Variants in COL19A1 observed in about 807,000 individuals in gnomAD.
The protein encoded by COL19A1 is collagen alpha-1(XIX) chain.
COL19A1 carries 159 observed loss-of-function variants against 190.2 expected under a neutral mutation model. The ratio of observed to expected loss-of-function variants is 0.84; its 90% CI spans 0.73 to 0.95. COL19A1 has a LOEUF of 0.95. Ranked by LOEUF, COL19A1 falls within the 40% of genes least tolerant of loss-of-function variation. The probability of loss-of-function intolerance (pLI) is 0.00; values close to 1 mark genes in which losing one functional copy is unlikely to be tolerated. For missense variants in COL19A1, 1,418 were observed against 1,431.9 expected, an observed-to-expected ratio of 0.99 and a Z score of 0.16; for synonymous variants, 509 against 458.9, an observed-to-expected ratio of 1.11 and a Z score of -1.39.
chr6:70,151,806 A>G (rs541741117), intron 31 of COL19A1, among the ~76,000 whole-genome samples: 1 of 152,184 alleles, frequency 6.6e-6, no homozygotes, highest in South Asian at 2.1e-4. Flanking sequence ...CTGGCTCACT[A>G]CTGTGAAACC....
chr6:70,190,633 A>G (rs1036137304), intron 48 of COL19A1, among the ~76,000 whole-genome samples: 12 of 152,308 alleles, frequency 7.9e-5, no homozygotes, highest in African/African-American at 2.9e-4. Context: ...GCTTGTACTC[A>G]CATGACAGCC....
intron 34 of COL19A1, 118 bp from the exon 35 acceptor site, chr6:70,161,779 CATT>C: frequency 5.0e-6 from 3 of 602,642 alleles, no homozygotes; most frequent in Non-Finnish European, 8.0e-6. Flanking sequence ...ATATGACAAA[CATT>C]ATGTTTCTCG....
chr6:69,893,952 G>A (rs1208565767), intron 2 of COL19A1, among the ~76,000 whole-genome samples: 1 of 152,054 alleles, frequency 6.6e-6, no homozygotes, highest in Non-Finnish European at 1.5e-5. Context: ...TAGTCTGGAA[G>A]CACCACCCCC....
intron 15 of COL19A1, among the ~76,000 whole-genome samples, chr6:70,081,821 T>A (rs1782275556): frequency 1.3e-5 from 2 of 152,114 alleles, no homozygotes; most frequent in Non-Finnish European, 2.9e-5. Context: ...CTTACTTTTT[T>A]AAAAATAAAA....
At chr6:70,200,398 GA>G (rs1767475068) in intron 49 of COL19A1, among the ~76,000 whole-genome samples, 1 of 152,140 alleles carries the variant, frequency 6.6e-6, no homozygotes. Flanking sequence ...CTAGAAATAT[GA>G]TTAGCAATCC....
At chr6:70,190,653 T>C (rs1261621233) in intron 48 of COL19A1, among the ~76,000 whole-genome samples, 3 of 152,224 alleles carry the variant, frequency 2.0e-5, no homozygotes, top group South Asian at 2.1e-4. Flanking sequence ...CCTTTGAGTA[T>C]TTTTCAATAT....
chr6:70,105,915 GT>G (rs1783930142), intron 16 of COL19A1, among the ~76,000 whole-genome samples: 1 of 152,112 alleles, frequency 6.6e-6, no homozygotes, highest in Admixed American at 6.5e-5. Flanking sequence ...TAAACATTAT[GT>G]TTGAGCAATT....
At chr6:70,099,015 A>G (rs1783461169) in intron 15 of COL19A1, among the ~76,000 whole-genome samples, 1 of 137,026 alleles carries the variant, frequency 7.3e-6, no homozygotes, top group African/African-American at 2.7e-5. Context: ...TCAGTCCAGG[A>G]GTTCGAGACC....
At chr6:70,176,798 T>G (rs1765837539) in intron 42 of COL19A1, among the ~76,000 whole-genome samples, 1 of 152,224 alleles carries the variant, frequency 6.6e-6, no homozygotes, top group African/African-American at 2.4e-5. Context: ...CCAAGTCACT[T>G]TCATGGAGGG....
intron 4 of COL19A1, among the ~76,000 whole-genome samples, chr6:69,921,304 T>C (rs1443777133): frequency 7.5e-6 from 1 of 132,600 alleles, no homozygotes; most frequent in East Asian, 2.1e-4. Flanking sequence ...ATATATCATA[T>C]ATCATATATC....
chr6:70,061,510 G>A (rs1276635942), intron 14 of COL19A1, among the ~76,000 whole-genome samples: 2 of 151,996 alleles, frequency 1.3e-5, no homozygotes, highest in African/African-American at 2.4e-5. Context: ...TAGTACTTGA[G>A]TCTCGCATAC....
At chr6:70,022,027 G>A (rs926652484) in intron 11 of COL19A1, among the ~76,000 whole-genome samples, 1 of 152,024 alleles carries the variant, frequency 6.6e-6, no homozygotes, top group African/African-American at 2.4e-5. Context: ...CATTTCCTAT[G>A]CTTTCCATAC....
intron 27 of COL19A1, among the ~76,000 whole-genome samples, chr6:70,149,180 A>G (rs916194502): frequency 2.6e-5 from 4 of 152,100 alleles, no homozygotes; most frequent in Admixed American, 2.6e-4. Flanking sequence ...AGAGCGGTAC[A>G]ACTACCATCG....
intron 14 of COL19A1, among the ~76,000 whole-genome samples, chr6:70,039,276 T>C (rs897071978): frequency 4.6e-5 from 7 of 152,214 alleles, no homozygotes; most frequent in Non-Finnish European, 7.3e-5. Flanking sequence ...ATACTTTTCT[T>C]TACAGCTTTC....
intron 11 of COL19A1, among the ~76,000 whole-genome samples, chr6:69,973,351 A>G (rs1775535290): frequency 6.6e-6 from 1 of 151,816 alleles, no homozygotes; most frequent in Non-Finnish European, 1.5e-5. Context: ...CTGCTCATTA[A>G]TCTCTTCACC....
chr6:69,929,557 G>T lies in COL19A1; in HGVS notation c.523G>T (p.Gly175Cys), dbSNP rs745813614. 1 of 1,613,942 alleles carries T rather than the reference G, an allele frequency of 6.2e-7. No homozygotes were observed. Among genetic ancestry groups the T allele is most frequent in the Admixed American group, 1.7e-5 (1 of 59,986 alleles). Residue 175 changes from glycine (G) to cysteine (C), a missense_variant, in exon 6 of 51, where the codon GGC becomes TGC. Coordinates refer to ENST00000620364, the MANE Select transcript of COL19A1 (RefSeq NM_001858.6). Reference sequence around the variant, plus strand: ...GTTTGATCGTCAGTGGCACAAACTTGGCATTAGTATACAATCCCAGGTCAT... The same window carrying T: ...GTTTGATCGTCAGTGGCACAAACTTTGCATTAGTATACAATCCCAGGTCAT... ...PLFDRQWHKLGISIQSQVISL... is the reference protein window; with the variant it reads ...PLFDRQWHKLCISIQSQVISL...
At chr6:69,993,630 C>G (rs112430548) in intron 11 of COL19A1, among the ~76,000 whole-genome samples, 5,451 of 152,142 alleles carry the variant, frequency 0.036, 220 homozygotes, top group African/African-American at 0.096. Context: ...GATTCCATTT[C>G]AGAACTCATT....
intron 15 of COL19A1, among the ~76,000 whole-genome samples, chr6:70,077,217 C>T (rs1223843534): frequency 6.6e-6 from 1 of 152,174 alleles, no homozygotes; most frequent in African/African-American, 2.4e-5. Flanking sequence ...TTTTATAGCA[C>T]TTTTGTTTTT....
chr6:70,106,892 TC>T (rs1784006589), intron 16 of COL19A1, among the ~76,000 whole-genome samples: 1 of 152,180 alleles, frequency 6.6e-6, no homozygotes, highest in Non-Finnish European at 1.5e-5. Flanking sequence ...GGGCTAAGCA[TC>T]TCCCTCGGGA....
Sources: gnomAD v4.1 joint callset for allele counts (sites outside exome capture counted in the v4.1 genomes callset) on GRCh38, gnomAD v4.1.1 for gene constraint, MANE v1.5 for transcripts, NCBI Gene and HGNC (gene_info 2026-07-23, HGNC 2026-07-21) for gene names.